Variants in PPP2R5C observed in about 807,000 individuals in gnomAD.
The protein encoded by PPP2R5C is serine/threonine-protein phosphatase 2A 56 kDa regulatory subunit gamma isoform.
In PPP2R5C, 7 loss-of-function variants were observed where a neutral mutation model predicts 68.9. The ratio of observed to expected loss-of-function variants is 0.10; its 90% CI spans 0.06 to 0.19. The LOEUF (loss-of-function observed/expected upper bound fraction) is 0.19. Among genes scored for constraint, PPP2R5C ranks in the 10% least tolerant of loss-of-function variants. The pLI is 1.00. For synonymous variants in PPP2R5C, 210 were observed against 222.2 expected (o/e 0.95, Z 0.49); for missense variants, 348 against 641.3 (o/e 0.54, Z 4.94).
intron 1 of PPP2R5C, among the ~76,000 whole-genome samples, chr14:101,832,413 C>T (rs1211727548): frequency 6.6e-6 from 1 of 152,050 alleles, no homozygotes; most frequent in Non-Finnish European, 1.5e-5. Flanking sequence ...GTTATTATTG[C>T]TTAGGACAGG....
At chr14:101,819,190 A>G in intron 1 of PPP2R5C, 1 of 1,021,132 alleles carries the variant, frequency 9.8e-7, no homozygotes. Flanking sequence ...TCCCAGCTTT[A>G]TGTAATTGGT....
intron 1 of PPP2R5C, among the ~76,000 whole-genome samples, chr14:101,844,453 C>T (rs1377788440): frequency 6.6e-6 from 1 of 152,158 alleles, no homozygotes; most frequent in Non-Finnish European, 1.5e-5. Flanking sequence ...GCTGGAGCTC[C>T]GGCAGCACCG....
intron 2 of PPP2R5C, among the ~76,000 whole-genome samples, chr14:101,772,622 G>A (rs768356956): frequency 1.2e-4 from 18 of 151,976 alleles, no homozygotes; most frequent in Non-Finnish European, 2.5e-4. Flanking sequence ...TGGTGAAACC[G>A]CATCTCTATT....
chr14:101,917,709 T>G lies in PPP2R5C; in HGVS notation c.1327-122T>G, dbSNP rs2046759319. ...AGGTGTAGGCGAGTCTCCCACTGAG[T>G]GGGCTTCCTGCGGGAGAGGGCCCTG... On this transcript the variant is annotated intron_variant, in intron 12 of 13. Coordinates refer to ENST00000334743, the Ensembl canonical transcript of PPP2R5C. This position sits in a 1 kb window ranked among gnomAD's most constrained non-coding sequence, Gnocchi z 4.4. 7 of 1,368,696 alleles carry G rather than the reference T, an allele frequency of 5.1e-6. No individual in the cohort carries two copies. The highest frequency in any genetic ancestry group is 7.0e-6 in the Non-Finnish European group (7 of 1,002,744). 84.8% of individuals were successfully genotyped at this position (1,368,696 alleles called of 1,614,324 possible).
At chr14:101,792,077 A>G (rs1035088191) in intron 3 of PPP2R5C, among the ~76,000 whole-genome samples, 2 of 152,196 alleles carry the variant, frequency 1.3e-5, no homozygotes, top group African/African-American at 2.4e-5. Context: ...TTGTTCTGCA[A>G]TATATCCCAC....
At chr14:101,828,991 C>A (rs887380295) in intron 1 of PPP2R5C, among the ~76,000 whole-genome samples, 4 of 152,188 alleles carry the variant, frequency 2.6e-5, no homozygotes, top group Admixed American at 2.0e-4. Context: ...AAAAGATATT[C>A]TTTTTCTTAC....
chr14:101,819,433 T>G, intron 1 of PPP2R5C: 1 of 222,922 alleles, frequency 4.5e-6, no homozygotes. Flanking sequence ...ATATGGCGCC[T>G]TTCTTTCATC....
chr14:101,920,118 G>A (rs1235868439), intron 13 of PPP2R5C, among the ~76,000 whole-genome samples: 1 of 152,226 alleles, frequency 6.6e-6, no homozygotes, highest in Non-Finnish European at 1.5e-5. Context: ...TACCTGAAAG[G>A]TGTGTGCATA....
At chr14:101,784,749 T>C (rs2038007843) in intron 2 of PPP2R5C, among the ~76,000 whole-genome samples, 1 of 152,216 alleles carries the variant, frequency 6.6e-6, no homozygotes, top group African/African-American at 2.4e-5. Context: ...ACTCCCTTTC[T>C]TTGGGCAGAA....
intron 1 of PPP2R5C, among the ~76,000 whole-genome samples, chr14:101,846,087 A>G (rs1374213868): frequency 6.6e-6 from 1 of 152,216 alleles, no homozygotes; most frequent in Admixed American, 6.5e-5. Flanking sequence ...GAGCCCCGCC[A>G]AACAGACCTA....
At chr14:101,778,648 G>T (rs1328565538) in intron 2 of PPP2R5C, among the ~76,000 whole-genome samples, 1 of 152,148 alleles carries the variant, frequency 6.6e-6, no homozygotes, top group African/African-American at 2.4e-5. Context: ...AGCATCATTT[G>T]TTAAAGACGC....
intron 1 of PPP2R5C, among the ~76,000 whole-genome samples, chr14:101,762,352 C>T (rs1273657112): frequency 6.6e-6 from 1 of 152,140 alleles, no homozygotes; most frequent in Non-Finnish European, 1.5e-5. Context: ...GGGAGGGACC[C>T]CTGTACGGGG....
At chr14:101,808,269 C>T (rs1216739667), upstream of PPP2R5C, among the ~76,000 whole-genome samples, 2 of 151,904 alleles carry the variant, frequency 1.3e-5, no homozygotes, top group African/African-American at 4.8e-5. Flanking sequence ...CAACTGAAAG[C>T]ACGTGCTCTT....
At chr14:101,850,965 GT>G (rs1211284195) in intron 1 of PPP2R5C, among the ~76,000 whole-genome samples, 1 of 152,132 alleles carries the variant, frequency 6.6e-6, no homozygotes, top group Non-Finnish European at 1.5e-5. Flanking sequence ...GTTCCTACTC[GT>G]TTTGTACTAA....
In PPP2R5C at chr14:101,925,297, G is replaced by C. The variant is rs778287363; in HGVS notation, c.*25G>C. ...GCCTCCGGGGCGCCGCGTCGGGGCCGGGCCCGCCAGTTCTTTTCCGGATTC... is the reference window on the plus strand; with the variant it reads ...GCCTCCGGGGCGCCGCGTCGGGGCCCGGCCCGCCAGTTCTTTTCCGGATTC... On this transcript the variant is annotated 3_prime_UTR_variant, in exon 14 of 14. Coordinates refer to ENST00000334743, the Ensembl canonical transcript of PPP2R5C. 11 of 1,609,272 alleles carry C rather than the reference G, an allele frequency of 6.8e-6. No individual in the cohort carries two copies. In the South Asian group the frequency reaches 8.8e-5, roughly 13 times the overall value.
At chr14:101,924,068 C>T (rs1377004013) in intron 13 of PPP2R5C, among the ~76,000 whole-genome samples, 1 of 152,180 alleles carries the variant, frequency 6.6e-6, no homozygotes. Context: ...AACTAATTGG[C>T]AGTCAGTCTT....
chr14:101,804,329 A>G (rs886551810), intron 3 of PPP2R5C, among the ~76,000 whole-genome samples: 5 of 152,210 alleles, frequency 3.3e-5, no homozygotes, highest in African/African-American at 1.2e-4. Flanking sequence ...TTAAAAAACT[A>G]AAAATTGAGC....
At chr14:101,900,914 G>T (rs1304144852) in intron 8 of PPP2R5C, among the ~76,000 whole-genome samples, 1 of 152,246 alleles carries the variant, frequency 6.6e-6, no homozygotes, top group African/African-American at 2.4e-5. Context: ...CACTGCTCAG[G>T]CTGTTGTATC....
At chr14:101,912,446 A>G in exon 12 of PPP2R5C, 1 of 1,603,694 alleles carries the variant, frequency 6.2e-7, no homozygotes. Context: ...GGGTTAAAAT[A>G]GAAAATCTAG....
Sources: gnomAD v4.1 joint callset for allele counts (sites outside exome capture counted in the v4.1 genomes callset) on GRCh38, gnomAD v4.1.1 for gene constraint, Gnocchi (gnomAD v3.1) non-coding constraint, MANE v1.5 for transcripts, NCBI Gene and HGNC (gene_info 2026-07-23, HGNC 2026-07-21) for gene names.